The following PHEX variants were observed in gnomAD, a reference collection of about 807,000 sequenced individuals.
PHEX encodes phosphate-regulating neutral endopeptidase PHEX.
A neutral mutation model predicts 68.0 loss-of-function variants in PHEX; 16 were observed. The observed-to-expected ratio is 0.24, with a 90% CI of 0.16 to 0.36. The LOEUF (loss-of-function observed/expected upper bound fraction) is 0.36, where lower values mean the gene tolerates loss of function less well. PHEX is among the 10% of genes least tolerant of loss of function. The pLI, the probability that PHEX is intolerant of heterozygous loss-of-function variation, is 1.00. For missense variants in PHEX, 480 were observed against 575.5 expected, an observed-to-expected ratio of 0.83 and a Z score of 1.70; for synonymous variants, 208 against 205.1, an observed-to-expected ratio of 1.01 and a Z score of -0.12.
At chrX:22,097,788 GAC>G in intron 8 of PHEX, 2 of 597,456 alleles carry the variant, frequency 3.3e-6, no homozygotes, top group Non-Finnish European at 2.0e-6. Flanking sequence ...TTTTTTTTGA[GAC>G]ACAGTCTTGC....
At chrX:22,114,629 G>T (rs781082110) in intron 11 of PHEX, 43 bp downstream of exon 11, 2 of 1,139,071 alleles carry the variant, frequency 1.8e-6, no homozygotes, top group Non-Finnish European at 2.4e-6. Flanking sequence ...TGGCAATTTA[G>T]CCAGATCTGA....
chrX:22,103,296 C>T (rs1257441688), intron 9 of PHEX, among the ~76,000 whole-genome samples: 1 of 111,202 alleles, frequency 9.0e-6, no homozygotes, highest in African/African-American at 3.3e-5. Flanking sequence ...CTGTTCATTT[C>T]TTATTTTTTA....
At chrX:22,195,315 C>T (rs765019591) in intron 15 of PHEX, among the ~76,000 whole-genome samples, 1 of 111,853 alleles carries the variant, frequency 8.9e-6, no homozygotes, top group Non-Finnish European at 1.9e-5. Flanking sequence ...GATCTTAGGC[C>T]GGGCATGGTG....
At position 22,184,744 on chromosome X, in the gene PHEX, G is replaced by A. The variant is rs751303427; in HGVS notation, c.1587-5700G>A. On this transcript the variant is annotated intron_variant, in intron 14 of 21. Coordinates refer to ENST00000379374, the MANE Select transcript of PHEX (RefSeq NM_000444.6). ...TCTTTGACAGAAATTATTTTAGCCC[G>A]CCTCACTTTTAACTCACTCTCATTC... is the stretch of plus-strand genomic sequence containing the variant. Among the ~76,000 whole-genome samples, 6 of 111,706 alleles carry A rather than the reference G, an allele frequency of 5.4e-5. No homozygotes were observed. The East Asian group carries it at 1.1e-3, about 21-fold the overall frequency.
At chrX:22,050,064 G>A (rs934887981) in intron 3 of PHEX, among the ~76,000 whole-genome samples, 61 of 112,213 alleles carry the variant, frequency 5.4e-4, no homozygotes, top group African/African-American at 1.7e-3. Context: ...GGCTGCTTTT[G>A]CACTCCAATG....
chrX:22,196,585 G>A (rs1421084984), intron 15 of PHEX, among the ~76,000 whole-genome samples: 1 of 112,320 alleles, frequency 8.9e-6, no homozygotes, highest in Non-Finnish European at 1.9e-5. Context: ...TACTAACATG[G>A]ATTGGTCTTT....
chrX:22,089,712 C>T (rs980578776), intron 5 of PHEX, among the ~76,000 whole-genome samples: 3 of 111,797 alleles, frequency 2.7e-5, no homozygotes, highest in African/African-American at 9.7e-5. Context: ...TGAGCCACCA[C>T]ACCAGCCTAA....
intron 18 of PHEX, among the ~76,000 whole-genome samples, chrX:22,224,996 A>ATACAGCTCTGTAT (rs1935441593): frequency 1.1e-3 from 1 of 933 alleles, no homozygotes; most frequent in African/African-American, 3.8e-3. Context: ...TCTGTATGTC[A>ATACAGCTCTGTAT]GAAGTCTGAC....
intron 3 of PHEX, among the ~76,000 whole-genome samples, chrX:22,051,807 C>A (rs952496381): frequency 9.0e-6 from 1 of 111,095 alleles, no homozygotes; most frequent in Admixed American, 9.6e-5. Flanking sequence ...AATAATATAT[C>A]TATAAATGTA....
chrX:22,204,904 C>T (rs1934663387), intron 15 of PHEX, among the ~76,000 whole-genome samples: 1 of 110,862 alleles, frequency 9.0e-6, no homozygotes, highest in Non-Finnish European at 1.9e-5. Context: ...TATAAGCACA[C>T]ACTTAAGGCT....
In PHEX at chrX:22,041,265, C is replaced by A. The variant is rs1613750; in HGVS notation, c.187+2728C>A. On this transcript the variant is annotated intron_variant, in intron 2 of 21. Transcript: ENST00000379374. ...GATCTCTCTCTCTCTCTCTCTCTCTCTATATATATATATATATATATATAT... is the reference window on the plus strand; with the variant it reads ...GATCTCTCTCTCTCTCTCTCTCTCTATATATATATATATATATATATATAT... 6.5e-4 allele frequency among the ~76,000 whole-genome samples: 47 copies of A among 72,801 alleles called. 1 individual carries two copies. Among genetic ancestry groups the A allele is most frequent in the African/African-American group, 7.6e-4 (12 of 15,804 alleles). 63.2% of individuals were successfully genotyped at this position (72,801 alleles called of 115,157 possible). A position where few individuals can be genotyped will look rare whatever the true frequency, so the allele number is the denominator to read the frequency against.
chrX:22,104,396 G>T (rs898128458), intron 9 of PHEX, among the ~76,000 whole-genome samples: 6 of 109,901 alleles, frequency 5.5e-5, no homozygotes, highest in Non-Finnish European at 1.1e-4. Context: ...GACCCTTGGA[G>T]GAATGAGCTG....
intron 11 of PHEX, among the ~76,000 whole-genome samples, chrX:22,121,643 G>A (rs1166207700): frequency 8.9e-6 from 1 of 112,164 alleles, no homozygotes; most frequent in African/African-American, 3.2e-5. Context: ...AGTTAAAGCA[G>A]AGCAAATCTA....
At chrX:22,095,416 CAGCTG>C (rs1366500648) in intron 7 of PHEX, among the ~76,000 whole-genome samples, 1 of 112,196 alleles carries the variant, frequency 8.9e-6, no homozygotes, top group African/African-American at 3.2e-5. Context: ...GAACTAAAAA[CAGCTG>C]GGCTGAGGCA....
chrX:22,080,855 G>T (rs766676859), intron 5 of PHEX, among the ~76,000 whole-genome samples: 32 of 111,814 alleles, frequency 2.9e-4, no homozygotes, highest in Non-Finnish European at 3.0e-4. Context: ...CATGTGTACG[G>T]AAGGGTGAAT....
intron 11 of PHEX, among the ~76,000 whole-genome samples, chrX:22,127,661 C>T (rs1435751968): frequency 9.2e-6 from 1 of 109,158 alleles, no homozygotes; most frequent in Non-Finnish European, 1.9e-5. Context: ...AGTTCAACAC[C>T]ATTTCACAGA....
chrX:22,036,925 A>G (rs372907937), intron 1 of PHEX, among the ~76,000 whole-genome samples: 1 of 108,198 alleles, frequency 9.2e-6, no homozygotes, highest in Non-Finnish European at 1.9e-5. Context: ...GTGAAACCCC[A>G]TCTCCACTAA....
chrX:22,228,884 A>G (rs754664872), intron 20 of PHEX, among the ~76,000 whole-genome samples: 2 of 110,988 alleles, frequency 1.8e-5, no homozygotes, highest in Admixed American at 1.9e-4. Flanking sequence ...TCTAGCCCCC[A>G]ACCAACCCTC....
intron 12 of PHEX, among the ~76,000 whole-genome samples, chrX:22,142,016 C>T (rs191269140): frequency 4.2e-4 from 47 of 111,714 alleles, no homozygotes; most frequent in Admixed American, 1.8e-3. Flanking sequence ...TTTGGGAGGC[C>T]GAGGCGGGTG....
Sources: allele counts gnomAD v4.1 joint callset (sites outside exome capture counted in the v4.1 genomes callset), GRCh38; gene constraint gnomAD v4.1.1; transcripts MANE v1.5; gene names NCBI Gene and HGNC (gene_info 2026-07-23, HGNC 2026-07-21).